The following ZNF491 variants were observed in gnomAD, a reference collection of about 807,000 sequenced individuals.
The protein encoded by ZNF491 is zinc finger protein 491.
Under a neutral mutation model 34.7 loss-of-function variants are expected in ZNF491, and 22 were observed. The observed-to-expected ratio is 0.63, with a 90% CI of 0.45 to 0.90. ZNF491 has a LOEUF of 0.90. ZNF491 is among the 40% of genes least tolerant of loss of function. The pLI is 0.00. For missense variants in ZNF491, 559 were observed against 531.7 expected, an observed-to-expected ratio of 1.05 and a Z score of -0.51; for synonymous variants, 148 against 174.3, an observed-to-expected ratio of 0.85 and a Z score of 1.19.
intron 1 of ZNF491, 103 bp from the exon 2 acceptor site, chr19:11,804,439 T>C: frequency 7.5e-7 from 1 of 1,338,898 alleles, no homozygotes; most frequent in Admixed American, 3.1e-5. Flanking sequence ...AGGGAATAAA[T>C]GTTTGGAGTC....
rs548826287 is a variant in ZNF491, at chr19:11,804,599, T to C, written c.-76T>C. 122 of 1,540,600 alleles carry C rather than the reference T, an allele frequency of 7.9e-5. No homozygotes were observed. The African/African-American group carries it at 1.4e-3, about 18-fold the overall frequency. On this transcript the variant is annotated 5_prime_UTR_variant, in exon 2 of 3. Transcript: ENST00000323169. ...CTTCACCCAGGAGGAGTGGGCCTTG[T>C]TGAATCCTTTCCAGAAGATCTCTAC... is the stretch of plus-strand genomic sequence containing the variant.
chr19:11,800,597 T>G (rs1051593661), intron 1 of ZNF491, among the ~76,000 whole-genome samples: 2 of 150,484 alleles, frequency 1.3e-5, no homozygotes, highest in Non-Finnish European at 2.9e-5. Context: ...CTTGGCTCAC[T>G]GCAACCTCGG....
rs1489983835 is a variant in ZNF491, at chr19:11,798,665, C to T, written c.-196C>T. 6.6e-6 allele frequency: 1 copy of T among 152,514 alleles called. No homozygotes were observed. Among genetic ancestry groups the T allele is most frequent in the Non-Finnish European group, 1.5e-5 (1 of 68,262 alleles). The allele number at this position is 152,514 out of a possible 1,614,324, so 9.4% of individuals were successfully genotyped here. ...GCCACGGCTCCTGTGACGCTGTCACCTGCGCTGTGACCTGCTCCGGAGTCA... is the reference window on the plus strand; with the variant it reads ...GCCACGGCTCCTGTGACGCTGTCACTTGCGCTGTGACCTGCTCCGGAGTCA... On this transcript the variant is annotated 5_prime_UTR_variant, in exon 1 of 3. Transcript: ENST00000323169. The surrounding 1 kb of genome is among the most constrained non-coding windows in gnomAD (Gnocchi z 4.0).
intron 1 of ZNF491, 115 bp from the exon 2 acceptor site, chr19:11,804,427 G>T: frequency 7.7e-7 from 1 of 1,306,048 alleles, no homozygotes; most frequent in Non-Finnish European, 9.9e-7. Flanking sequence ...GATGACAGAG[G>T]CAGGGAATAA....
At chr19:11,805,883 T>TTATTAACAAA (rs756126245) in intron 2 of ZNF491, 64 bp from the exon 3 acceptor site, 45 of 1,323,984 alleles carry the variant, frequency 3.4e-5, no homozygotes, top group Non-Finnish European at 4.2e-5. Context: ...AGTGTAATAC[T>TTATTAACAAA]TATTAACAAA....
chr19:11,800,247 C>G (rs566728648), intron 1 of ZNF491, among the ~76,000 whole-genome samples: 1 of 152,252 alleles, frequency 6.6e-6, no homozygotes, highest in South Asian at 2.1e-4. Flanking sequence ...GAGGGGGGCT[C>G]TGAGGAGCCT....
intron 2 of ZNF491, 80 bp downstream of exon 2, chr19:11,804,747 A>G: frequency 1.4e-6 from 1 of 700,600 alleles, no homozygotes; most frequent in South Asian, 3.5e-5. Flanking sequence ...AGGGATTTGG[A>G]ATATGGATAG....
chr19:11,803,056 A>C (rs1172032141), intron 1 of ZNF491, among the ~76,000 whole-genome samples: 1 of 147,360 alleles, frequency 6.8e-6, no homozygotes, highest in Non-Finnish European at 1.5e-5. Context: ...CTCTTGGCTC[A>C]CTGCAACCTC....
At chr19:11,799,808 C>T (rs1975539829) in intron 1 of ZNF491, among the ~76,000 whole-genome samples, 1 of 152,158 alleles carries the variant, frequency 6.6e-6, no homozygotes, top group South Asian at 2.1e-4. Context: ...GTGGCACGTG[C>T]CTGTAATCCG....
chr19:11,804,907 A>C (rs1975592620), intron 2 of ZNF491, among the ~76,000 whole-genome samples: 1 of 152,244 alleles, frequency 6.6e-6, no homozygotes. Context: ...CAAACATCCC[A>C]GGAGAAATCT....
chr19:11,800,991 G>A (rs1975552884), intron 1 of ZNF491, among the ~76,000 whole-genome samples: 1 of 151,806 alleles, frequency 6.6e-6, no homozygotes, highest in Admixed American at 6.6e-5. Context: ...TGAGCCTTGA[G>A]GGCACCACTG....
At chr19:11,803,622 T>C (rs1975578159) in intron 1 of ZNF491, among the ~76,000 whole-genome samples, 1 of 152,216 alleles carries the variant, frequency 6.6e-6, no homozygotes, top group South Asian at 2.1e-4. Flanking sequence ...TGGTCAGGTA[T>C]TCCATAGAAT....
At chr19:11,800,835 C>T (rs1307454508) in intron 1 of ZNF491, among the ~76,000 whole-genome samples, 9 of 150,980 alleles carry the variant, frequency 6.0e-5, no homozygotes, top group African/African-American at 2.2e-4. Flanking sequence ...CCAGAGTGGG[C>T]AGGGCAACAT....
chr19:11,804,697 G>C, intron 2 of ZNF491, 30 bp downstream of exon 2: 9 of 1,121,570 alleles, frequency 8.0e-6, no homozygotes, highest in Non-Finnish European at 1.1e-5. Flanking sequence ...CTCCCTCAGT[G>C]AATTGTAGAA....
At chr19:11,800,968 T>G (rs1975552550) in intron 1 of ZNF491, among the ~76,000 whole-genome samples, 1 of 151,770 alleles carries the variant, frequency 6.6e-6, no homozygotes, top group Admixed American at 6.6e-5. Flanking sequence ...GCCCCGAAGA[T>G]CCAAGGCTGC....
intron 1 of ZNF491, among the ~76,000 whole-genome samples, chr19:11,800,528 T>A (rs2145095916): frequency 6.7e-6 from 1 of 150,312 alleles, no homozygotes; most frequent in South Asian, 2.1e-4. Context: ...TTTTTTTTTT[T>A]TTTTTTTTGA....
chr19:11,800,682 G>A (rs1268361519), intron 1 of ZNF491, among the ~76,000 whole-genome samples: 2 of 151,854 alleles, frequency 1.3e-5, no homozygotes, highest in South Asian at 2.1e-4. Flanking sequence ...CGACATGCCC[G>A]GCAGATTTTT....
intron 1 of ZNF491, among the ~76,000 whole-genome samples, chr19:11,804,176 C>T (rs1975584027): frequency 7.1e-6 from 1 of 139,942 alleles, no homozygotes. Flanking sequence ...GCACTCCAGC[C>T]TGGGTGACAG....
Position 11,803,460 on chromosome 19 carries a change from C to T in ZNF491, c.-133-1082C>T, listed in dbSNP as rs148758861. Among the ~76,000 whole-genome samples the T allele has an allele frequency of 1.5e-3, 223 of 152,256 alleles. 1 individual carries two copies. The highest frequency in any genetic ancestry group is 5.1e-3 in the African/African-American group (213 of 41,550). On this transcript the variant is annotated intron_variant, in intron 1 of 2. Transcript: ENST00000323169. Reference sequence around the variant, plus strand: ...TACTATTAATGAAATTCCAGATTTTCAACAGTTTTTCCACTAATATCCTTT... The same window carrying T: ...TACTATTAATGAAATTCCAGATTTTTAACAGTTTTTCCACTAATATCCTTT...
Sources: allele counts gnomAD v4.1 joint callset (sites outside exome capture counted in the v4.1 genomes callset), GRCh38; gene constraint gnomAD v4.1.1; non-coding constraint Gnocchi (gnomAD v3.1); transcripts MANE v1.5; gene names NCBI Gene and HGNC (gene_info 2026-07-23, HGNC 2026-07-21).